TBC1D14: variants seen among roughly 807,000 people sequenced by gnomAD.
TBC1D14 encodes the protein TBC1 domain family member 14.
TBC1D14 carries 26 observed loss-of-function variants against 79.0 expected under a neutral mutation model. That is an observed-to-expected ratio of 0.33 (90% CI 0.24 to 0.46). The LOEUF (loss-of-function observed/expected upper bound fraction) is 0.46. TBC1D14 is among the 20% of genes least tolerant of loss of function. The pLI, the probability that TBC1D14 is intolerant of heterozygous loss-of-function variation, is 1.00. For synonymous variants in TBC1D14, 394 were observed against 349.9 expected, an observed-to-expected ratio of 1.13 and a Z score of -1.40; for missense variants, 769 against 887.6, an observed-to-expected ratio of 0.87 and a Z score of 1.70.
At chr4:6,911,995 G>A (rs1723033294) in intron 1 of TBC1D14, among the ~76,000 whole-genome samples, 1 of 152,152 alleles carries the variant, frequency 6.6e-6, no homozygotes, top group Non-Finnish European at 1.5e-5. Context: ...ATATTGTCCA[G>A]ACTGGATCTG....
chr4:6,966,833 G>A (rs1372184312), intron 2 of TBC1D14, among the ~76,000 whole-genome samples: 4 of 152,140 alleles, frequency 2.6e-5, no homozygotes, highest in Non-Finnish European at 5.9e-5. Flanking sequence ...ATTTTGAGAC[G>A]GAGTCTTGCT....
intron 2 of TBC1D14, among the ~76,000 whole-genome samples, chr4:6,942,968 G>A (rs1018184023): frequency 9.2e-5 from 14 of 152,320 alleles, no homozygotes; most frequent in African/African-American, 2.6e-4. Context: ...CTAGTTAGGT[G>A]GATGAATGTT....
chr4:6,930,014 G>T (rs1252703657), intron 2 of TBC1D14, among the ~76,000 whole-genome samples: 1 of 152,242 alleles, frequency 6.6e-6, no homozygotes, highest in African/African-American at 2.4e-5. Flanking sequence ...TGTAACATGT[G>T]TAACGTGATC....
intron 1 of TBC1D14, among the ~76,000 whole-genome samples, chr4:6,917,500 C>G (rs1217284486): frequency 6.6e-6 from 1 of 152,060 alleles, no homozygotes; most frequent in Non-Finnish European, 1.5e-5. Context: ...TGAGTGTCTC[C>G]TTGTGCCACA....
rs568743190 is a variant in TBC1D14 at position 6,937,144 on chromosome 4, C to A, written c.722+13033C>A. ...ATTGGTCAGGCTGGTCTGGAACTCC[C>A]GACCTCAGGTGATCTGCCCGCCACA... On this transcript the variant is annotated intron_variant, in intron 2 of 13. Transcript: ENST00000409757. Among the ~76,000 whole-genome samples the A allele has an allele frequency of 1.9e-4, 29 of 152,212 alleles. 1 individual carries two copies. In the South Asian group the frequency reaches 5.4e-3, roughly 28 times the overall value.
intron 6 of TBC1D14, among the ~76,000 whole-genome samples, chr4:6,999,811 C>T (rs771079513): frequency 1.7e-4 from 26 of 152,166 alleles, no homozygotes; most frequent in African/African-American, 6.0e-4. Context: ...AGGCCTCTGT[C>T]TTCCTCTCTT....
At chr4:6,993,363 C>T (rs1010372781) in intron 3 of TBC1D14, among the ~76,000 whole-genome samples, 1 of 152,090 alleles carries the variant, frequency 6.6e-6, no homozygotes, top group Non-Finnish European at 1.5e-5. Context: ...TCCAGCTGGG[C>T]GTTTGGAATG....
chr4:7,031,250 G>A lies in TBC1D14; in HGVS notation c.*858G>A, dbSNP rs954815779. ...GGGCCCTCTCCCACCTGCCTGTTCA[G>A]TGGAGGCCAGGGCAGCAGCCCAGAA... On this transcript the variant is annotated 3_prime_UTR_variant, in exon 14 of 14. Transcript: ENST00000409757. 1 of 152,368 alleles carries A rather than the reference G, an allele frequency of 6.6e-6. No individual in the cohort carries two copies. Among genetic ancestry groups the A allele is most frequent in the Non-Finnish European group, 1.5e-5 (1 of 68,124 alleles). The allele number at this position is 152,368 out of a possible 1,614,324, so 9.4% of individuals were successfully genotyped here.
intron 7 of TBC1D14, among the ~76,000 whole-genome samples, chr4:7,003,780 T>G (rs1293263999): frequency 6.7e-6 from 1 of 150,260 alleles, no homozygotes; most frequent in Non-Finnish European, 1.5e-5. Flanking sequence ...CAGGGGGGAA[T>G]CACCTGAGGT....
rs762192644 is a variant in TBC1D14 at position 7,010,769 on chromosome 4, G to T, written c.1635G>T (p.Val545=). The T allele has an allele frequency of 2.5e-6, 4 of 1,613,644 alleles. No homozygotes were observed. The highest frequency in any genetic ancestry group is 3.3e-5 in the Admixed American group (2 of 59,934). The change falls in exon 11 of 14, where the codon GTG becomes GTT. Residue 545 remains valine, a synonymous_variant. Coordinates refer to ENST00000409757, the MANE Select transcript of TBC1D14 (RefSeq NM_020773.3). ...CCTGTCAAATGGCGTTTTTTAGAGTGGACCATGGCCTTGTGAGTATCCTCT... is the reference window on the plus strand; with the variant it reads ...CCTGTCAAATGGCGTTTTTTAGAGTTGACCATGGCCTTGTGAGTATCCTCT... ...NKPCQMAFFR[V]DHGLMLTYFA...
At position 6,923,508 on chromosome 4, in the gene TBC1D14, T is replaced by C; in HGVS notation, c.119T>C (p.Leu40Pro). 2 of 1,614,072 alleles carry C rather than the reference T, an allele frequency of 1.2e-6. No individual in the cohort carries two copies. The highest frequency in any genetic ancestry group is 1.7e-6 in the Non-Finnish European group (2 of 1,180,010). Residue 40 changes from leucine to proline, a missense_variant, in exon 2 of 14, where the codon CTC becomes CCC. Physicochemically the swap from Leu to Pro is moderately conservative, Grantham distance 98 (BLOSUM62 -3). Around this residue, in one of 2 missense-constraint regions of TBC1D14, gnomAD observed 402 missense variants for 393.2 expected, o/e 1.02. Transcript: ENST00000409757. ...CACGTCAATCTCAAGGCGCCCCGAC[T>C]CCTCTCCGCGCCTGAGTACGGGCCC... ...LQHVNLKAPR[L>P]LSAPEYGPKL...
chr4:6,987,049 CGGTGG>C (rs2109118792), intron 3 of TBC1D14: 1 of 615,850 alleles, frequency 1.6e-6, no homozygotes, highest in South Asian at 8.0e-5. Context: ...TGTTTACGGC[CGGTGG>C]GGCCGTACCA....
At chr4:6,918,620 G>A (rs1026202653) in intron 1 of TBC1D14, among the ~76,000 whole-genome samples, 8 of 152,214 alleles carry the variant, frequency 5.3e-5, no homozygotes, top group Admixed American at 2.6e-4. Flanking sequence ...CTCATTTGAG[G>A]TCGCCTTACT....
intron 1 of TBC1D14, among the ~76,000 whole-genome samples, chr4:6,912,295 G>A (rs367877625): frequency 6.7e-4 from 102 of 151,942 alleles, no homozygotes; most frequent in African/African-American, 2.3e-3. Context: ...CAGGAGAATC[G>A]CTTGAACCCG....
At chr4:6,912,778 C>T (rs906638272) in intron 1 of TBC1D14, among the ~76,000 whole-genome samples, 2 of 152,202 alleles carry the variant, frequency 1.3e-5, no homozygotes, top group African/African-American at 4.8e-5. Flanking sequence ...GGATTTCTTC[C>T]CCTAATCTTG....
chr4:7,011,343 G>T (rs563874957), intron 11 of TBC1D14, among the ~76,000 whole-genome samples: 3 of 145,876 alleles, frequency 2.1e-5, no homozygotes, highest in South Asian at 2.3e-4. Flanking sequence ...TGGTGACAGT[G>T]GGGGGTAGGG....
At chr4:6,991,230 G>T (rs1481117590) in intron 3 of TBC1D14, among the ~76,000 whole-genome samples, 2 of 152,230 alleles carry the variant, frequency 1.3e-5, no homozygotes, top group African/African-American at 4.8e-5. Context: ...ACTTAGTTCA[G>T]TATTTGAGGT....
rs1469022733 is a variant in TBC1D14, at chr4:7,031,214, G to C, written c.*822G>C. The C allele has an allele frequency of 6.6e-6, 1 of 152,376 alleles. No homozygotes were observed. The allele number at this position is 152,376 out of a possible 1,614,324, so 9.4% of individuals were successfully genotyped here. ...CTGTAAGTAAAAGGGTAGAGAAAGAGATGTGTGGCTGGGCCCTCTCCCACC... is the reference window on the plus strand; with the variant it reads ...CTGTAAGTAAAAGGGTAGAGAAAGACATGTGTGGCTGGGCCCTCTCCCACC... On this transcript the variant is annotated 3_prime_UTR_variant, in exon 14 of 14. Transcript: ENST00000409757.
At chr4:6,975,787 G>A (rs1560298460) in intron 3 of TBC1D14, among the ~76,000 whole-genome samples, 1 of 152,106 alleles carries the variant, frequency 6.6e-6, no homozygotes, top group Non-Finnish European at 1.5e-5. Context: ...GGAATTTTAA[G>A]ATCAATAGAA....
Sources: allele counts gnomAD v4.1 joint callset (sites outside exome capture counted in the v4.1 genomes callset), GRCh38; gene constraint gnomAD v4.1.1; regional missense constraint gnomAD v4.1.1; transcripts MANE v1.5; gene names NCBI Gene and HGNC (gene_info 2026-07-23, HGNC 2026-07-21).